Variants in MOXD1 observed in about 807,000 individuals in gnomAD.
The protein encoded by MOXD1 is monooxygenase DBH like 1.
Under a neutral mutation model 66.6 loss-of-function variants are expected in MOXD1, and 62 were observed. The ratio of observed to expected loss-of-function variants is 0.93; its 90% confidence interval spans 0.76 to 1.15. The LOEUF is 1.15. MOXD1 is among the 50% of genes most tolerant of loss of function. The pLI, the probability that MOXD1 is intolerant of heterozygous loss-of-function variation, is 0.00. For missense variants in MOXD1, 847 were observed against 754.6 expected, an observed-to-expected ratio of 1.12 and a Z score of -1.44; for synonymous variants, 303 against 281.9, an observed-to-expected ratio of 1.07 and a Z score of -0.75.
chr6:132,392,021 A>G, intron 1 of MOXD1: 1 of 662,952 alleles, frequency 1.5e-6, no homozygotes. Flanking sequence ...AGACTTATAA[A>G]TATCTCTTAA....
rs74473764 is a variant in MOXD1 at position 132,323,830 on chromosome 6, G to T, written c.1113+101C>A. 2.3e-3 allele frequency: 3,004 copies of T among 1,290,280 alleles called. 73 individuals carry two copies. The African/African-American group carries it at 0.042, about 18-fold the overall frequency. 79.9% of individuals were successfully genotyped at this position (1,290,280 alleles called of 1,614,324 possible). Reference sequence around the variant, plus strand: ...TAAGGGTTTCACAGTGTGTCAACAAGAAAGGAATCGATAATAAACATGTGC... The same window carrying T: ...TAAGGGTTTCACAGTGTGTCAACAATAAAGGAATCGATAATAAACATGTGC... On this transcript the variant is annotated intron_variant, in intron 7 of 11. Transcript: ENST00000367963.
At chr6:132,306,243 C>G (rs1582559528) in intron 10 of MOXD1, among the ~76,000 whole-genome samples, 2 of 151,390 alleles carry the variant, frequency 1.3e-5, no homozygotes, top group East Asian at 3.9e-4. Context: ...CCGAATCAAC[C>G]AAGCAGAAGA....
At position 132,315,551 on chromosome 6, in the gene MOXD1, A is replaced by G. The variant is rs527954801; in HGVS notation, c.1508+84T>C. On this transcript the variant is annotated intron_variant, in intron 10 of 11. Coordinates refer to ENST00000367963, the MANE Select transcript of MOXD1 (RefSeq NM_015529.4). Reference sequence around the variant, plus strand: ...CAAACAGTGCATAAAAATTTCTATAATGTGGTAATGGATCCAGTATGACAA... The same window carrying G: ...CAAACAGTGCATAAAAATTTCTATAGTGTGGTAATGGATCCAGTATGACAA... 12 of 1,413,600 alleles carry G rather than the reference A, an allele frequency of 8.5e-6. No individual in the cohort carries two copies. The African/African-American group carries it at 1.6e-4, about 19-fold the overall frequency. 87.6% of individuals were successfully genotyped at this position (1,413,600 alleles called of 1,614,324 possible).
chr6:132,355,102 G>T (rs202042409), intron 4 of MOXD1, among the ~76,000 whole-genome samples: 1 of 152,092 alleles, frequency 6.6e-6, no homozygotes, highest in African/African-American at 2.4e-5. Flanking sequence ...AAAAGGATTT[G>T]GTTCTTCCCT....
chr6:132,340,638 AT>A lies in MOXD1; in HGVS notation c.664-12045del, dbSNP rs869205496. 2.1e-3 allele frequency among the ~76,000 whole-genome samples: 204 copies of A among 98,768 alleles called. 10 individuals are homozygous for A. Among genetic ancestry groups the A allele is most frequent in the African/African-American group, 3.1e-3 (70 of 22,560 alleles). 64.8% of individuals were successfully genotyped at this position (98,768 alleles called of 152,430 possible). A position where few individuals can be genotyped will look rare whatever the true frequency, so the allele number is the denominator to read the frequency against. Reference sequence around the variant, plus strand: ...ACAACATGCTAAAACAACAAGACTCATTTTTTTTTTTTTTTTTTTTTTTTTT... The same window carrying A: ...ACAACATGCTAAAACAACAAGACTCATTTTTTTTTTTTTTTTTTTTTTTTT... On this transcript the variant is annotated intron_variant, in intron 4 of 11. Coordinates refer to ENST00000367963, the MANE Select transcript of MOXD1 (RefSeq NM_015529.4).
At position 132,373,233 on chromosome 6, in the gene MOXD1, G is replaced by A. The variant is rs528074946; in HGVS notation, c.412-236C>T. Among the ~76,000 whole-genome samples the A allele has an allele frequency of 2.6e-5, 4 of 152,278 alleles. No homozygotes were observed. The South Asian group carries it at 8.3e-4, about 32-fold the overall frequency. ...ATCATCTCTCAGCATGCAAGATTAT[G>A]TGTTCCAAAACATACTGAAGGACAA... On this transcript the variant is annotated intron_variant, in intron 2 of 11. Transcript: ENST00000367963.
At chr6:132,297,401 T>C in intron 11 of MOXD1, 84 bp from the exon 12 acceptor site, 1 of 1,410,646 alleles carries the variant, frequency 7.1e-7, no homozygotes, top group East Asian at 2.3e-5. Flanking sequence ...CCCACACTTC[T>C]GCAGGGGATA....
chr6:132,337,996 A>G (rs147850064), intron 4 of MOXD1, among the ~76,000 whole-genome samples: 1 of 152,206 alleles, frequency 6.6e-6, no homozygotes, highest in East Asian at 1.9e-4. Flanking sequence ...GGGACATGCC[A>G]TAAGTAAGTC....
chr6:132,385,423 T>A (rs965838976), intron 1 of MOXD1, among the ~76,000 whole-genome samples: 5 of 151,214 alleles, frequency 3.3e-5, no homozygotes, highest in African/African-American at 1.2e-4. Flanking sequence ...ATTTCAAAAC[T>A]TATACATAAC....
chr6:132,316,006 C>T (rs112033713), intron 9 of MOXD1, among the ~76,000 whole-genome samples: 23 of 152,110 alleles, frequency 1.5e-4, no homozygotes, highest in East Asian at 7.7e-4. Flanking sequence ...ATAAATTCTG[C>T]GGATGGGATG....
At chr6:132,388,997 C>T (rs917627038) in intron 1 of MOXD1, among the ~76,000 whole-genome samples, 2 of 151,148 alleles carry the variant, frequency 1.3e-5, no homozygotes, top group Non-Finnish European at 3.0e-5. Context: ...TGAAACACAC[C>T]TCTACCCTCA....
chr6:132,367,904 G>A (rs765958607), intron 4 of MOXD1, among the ~76,000 whole-genome samples: 1 of 151,990 alleles, frequency 6.6e-6, no homozygotes, highest in Non-Finnish European at 1.5e-5. Flanking sequence ...GTAGTATGAG[G>A]TGTACTGCCT....
At chr6:132,307,034 T>C (rs1450998166) in intron 10 of MOXD1, among the ~76,000 whole-genome samples, 2 of 152,090 alleles carry the variant, frequency 1.3e-5, no homozygotes, top group Non-Finnish European at 2.9e-5. Flanking sequence ...TAACCTTAAA[T>C]GTAAATGGGC....
At chr6:132,397,720 T>C (rs1222674217) in intron 1 of MOXD1, among the ~76,000 whole-genome samples, 2 of 151,136 alleles carry the variant, frequency 1.3e-5, no homozygotes, top group Non-Finnish European at 3.0e-5. Flanking sequence ...GTAAAGAGAA[T>C]CTAAATTTTG....
chr6:132,297,661 A>G, intron 11 of MOXD1, 126 bp downstream of exon 11: 4 of 1,166,816 alleles, frequency 3.4e-6, no homozygotes, highest in African/African-American at 1.5e-5. Context: ...TTGAACAAAA[A>G]TTATCAGACA....
rs1774417741 is a variant in MOXD1, at chr6:132,297,097, C to T, written c.*56G>A. The T allele has an allele frequency of 1.9e-6, 3 of 1,563,728 alleles. No homozygotes were observed. The highest frequency in any genetic ancestry group is 1.7e-5 in the Admixed American group (1 of 57,340). ...AAGTGGACACAGTCTTTAACCTGTA[C>T]TTCAAATGACAGGTTCAGATCATAG... is the stretch of plus-strand genomic sequence containing the variant. On this transcript the variant is annotated 3_prime_UTR_variant, in exon 12 of 12. Transcript: ENST00000367963.
At chr6:132,354,913 T>C (rs1367474193) in intron 4 of MOXD1, among the ~76,000 whole-genome samples, 3 of 152,058 alleles carry the variant, frequency 2.0e-5, no homozygotes, top group African/African-American at 4.8e-5. Flanking sequence ...TGCTGAGTCA[T>C]GCAGGTTGCC....
intron 10 of MOXD1, among the ~76,000 whole-genome samples, chr6:132,306,322 T>G (rs954293068): frequency 3.3e-5 from 5 of 151,432 alleles, no homozygotes; most frequent in Non-Finnish European, 7.4e-5. Flanking sequence ...GAAAAAAGAA[T>G]GAAAAGGAAT....
At chr6:132,382,128 G>T (rs1003572237) in intron 1 of MOXD1, among the ~76,000 whole-genome samples, 1 of 151,940 alleles carries the variant, frequency 6.6e-6, no homozygotes, top group Non-Finnish European at 1.5e-5. Context: ...TATAATATAC[G>T]TATTTAACAT....
Sources: allele counts gnomAD v4.1 joint callset (sites outside exome capture counted in the v4.1 genomes callset), GRCh38; gene constraint gnomAD v4.1.1; transcripts MANE v1.5; gene names NCBI Gene and HGNC (gene_info 2026-07-23, HGNC 2026-07-21).